The following GDAP1 variants were observed in gnomAD, a reference collection of about 807,000 sequenced individuals.
The protein encoded by GDAP1 is ganglioside-induced differentiation-associated protein 1.
GDAP1 carries 34 observed loss-of-function variants against 40.1 expected under a neutral mutation model. The observed-to-expected ratio is 0.85, with a 90% confidence interval of 0.64 to 1.13. The LOEUF (loss-of-function observed/expected upper bound fraction) is 1.13, where lower values mean the gene tolerates loss of function less well. Ranked by LOEUF, GDAP1 falls within the 50% of genes most tolerant of loss-of-function variation. The pLI, the probability that GDAP1 is intolerant of heterozygous loss-of-function variation, is 0.00. For missense variants in GDAP1, 374 were observed against 433.7 expected (o/e 0.86, Z 1.22); for synonymous variants, 170 against 157.4 (o/e 1.08, Z -0.60).
chr8:74,392,071 G>A (rs931214618), intron 2 of GDAP1, among the ~76,000 whole-genome samples: 4 of 151,990 alleles, frequency 2.6e-5, no homozygotes, highest in African/African-American at 7.3e-5. Flanking sequence ...TGCCTTCCTC[G>A]GCCTCCCAAA....
At chr8:74,450,242 T>G (rs1354146408) in intron 2 of GDAP1, among the ~76,000 whole-genome samples, 1 of 151,884 alleles carries the variant, frequency 6.6e-6, no homozygotes, top group Non-Finnish European at 1.5e-5. Flanking sequence ...TAAGATGTAT[T>G]ACATTTATTA....
chr8:74,361,705 C>G (rs943613548), intron 3 of GDAP1, among the ~76,000 whole-genome samples, 179 bp from the exon 4 acceptor site: 1 of 152,128 alleles, frequency 6.6e-6, no homozygotes, highest in African/African-American at 2.4e-5. Context: ...GGCAGATACT[C>G]TTATGGTTCC....
chr8:74,439,449 C>G (rs1003546045), intron 2 of GDAP1, among the ~76,000 whole-genome samples: 3 of 151,896 alleles, frequency 2.0e-5, no homozygotes, highest in Non-Finnish European at 4.4e-5. Context: ...GCTCTCTACT[C>G]TGTTCCATTA....
intron 2 of GDAP1, among the ~76,000 whole-genome samples, chr8:74,486,468 G>T (rs1423190321): frequency 6.6e-6 from 1 of 152,148 alleles, no homozygotes; most frequent in Non-Finnish European, 1.5e-5. Flanking sequence ...TCAGTGCTTT[G>T]CATAATGCAC....
intron 2 of GDAP1, among the ~76,000 whole-genome samples, chr8:74,355,409 T>C (rs1017434174): frequency 6.6e-6 from 1 of 152,242 alleles, no homozygotes; most frequent in Non-Finnish European, 1.5e-5. Flanking sequence ...TTGCTGATAA[T>C]TCCAAATCTG....
intron 2 of GDAP1, among the ~76,000 whole-genome samples, chr8:74,372,221 A>G (rs1255647190): frequency 1.3e-5 from 2 of 152,184 alleles, no homozygotes; most frequent in Non-Finnish European, 2.9e-5. Flanking sequence ...TAGTGCCGCA[A>G]TAAACATATG....
chr8:74,429,974 T>C lies in GDAP1; in HGVS notation c.166-58704T>C, dbSNP rs1235701107. Among the ~76,000 whole-genome samples, 6 of 152,256 alleles carry C rather than the reference T, an allele frequency of 3.9e-5. No individual in the cohort carries two copies. In the East Asian group the frequency reaches 9.6e-4, roughly 24 times the overall value. On this transcript the variant is annotated intron_variant, in intron 2 of 2. Coordinates refer to the GDAP1 transcript ENST00000523640. ...TCACGGACAGTGTTACCTGTTCTAA[T>C]ATACAGTGTCCCAAAACAGGGAAGA...
At chr8:74,387,592 A>T (rs1204104557) in intron 2 of GDAP1, among the ~76,000 whole-genome samples, 1 of 152,174 alleles carries the variant, frequency 6.6e-6, no homozygotes, top group Non-Finnish European at 1.5e-5. Context: ...CCAGTATTTT[A>T]TTGAGGATTT....
intron 2 of GDAP1, among the ~76,000 whole-genome samples, chr8:74,475,269 G>C (rs1806614552): frequency 6.6e-6 from 1 of 150,820 alleles, no homozygotes; most frequent in Admixed American, 6.6e-5. Context: ...GGATTTTTTT[G>C]TGTCTCAGTG....
intron 2 of GDAP1, among the ~76,000 whole-genome samples, chr8:74,378,835 A>G (rs1809902685): frequency 6.6e-6 from 1 of 152,198 alleles, no homozygotes; most frequent in Non-Finnish European, 1.5e-5. Context: ...ACAACCACAC[A>G]ACCCACTTCC....
At chr8:74,361,724 G>A (rs1809374185) in intron 3 of GDAP1, among the ~76,000 whole-genome samples, 160 bp from the exon 4 acceptor site, 1 of 152,202 alleles carries the variant, frequency 6.6e-6, no homozygotes, top group African/African-American at 2.4e-5. Context: ...CCATTTGAAA[G>A]GTGAGGAAAC....
chr8:74,435,290 T>C (rs1281060161), intron 2 of GDAP1, among the ~76,000 whole-genome samples: 2 of 152,192 alleles, frequency 1.3e-5, no homozygotes, highest in African/African-American at 2.4e-5. Flanking sequence ...ATTGTAAATA[T>C]GAATCCTGAT....
At position 74,402,346 on chromosome 8, in the gene GDAP1, G is replaced by T. The variant is rs1262674847; in HGVS notation, c.165+51025G>T. Among the ~76,000 whole-genome samples the T allele has an allele frequency of 1.3e-5, 2 of 150,374 alleles. 1 individual carries two copies. The highest frequency in any genetic ancestry group is 5.0e-5 in the African/African-American group (2 of 39,650). ...AATCAGCGAGACTCCGTGGGCGTAG[G>T]ACCCTCCGAGCCAGTTGCGGGATAT... On this transcript the variant is annotated intron_variant, in intron 2 of 2. Transcript: ENST00000523640.
intron 2 of GDAP1, among the ~76,000 whole-genome samples, chr8:74,475,916 A>G (rs1198536489): frequency 1.3e-5 from 2 of 152,130 alleles, no homozygotes; most frequent in African/African-American, 4.8e-5. Flanking sequence ...GTGGGAGTCT[A>G]AGTCTCTTTG....
intron 2 of GDAP1, among the ~76,000 whole-genome samples, chr8:74,387,181 T>G (rs949216941): frequency 6.6e-6 from 1 of 152,230 alleles, no homozygotes; most frequent in Non-Finnish European, 1.5e-5. Flanking sequence ...TTTCTTTCTC[T>G]TGCCTAATTG....
rs570786375 is a variant in GDAP1, at chr8:74,436,757, A to G, written c.166-51921A>G. Among the ~76,000 whole-genome samples, 10 of 152,106 alleles carry G rather than the reference A, an allele frequency of 6.6e-5. No individual in the cohort carries two copies. In the East Asian group the frequency reaches 1.9e-3, roughly 29 times the overall value. On this transcript the variant is annotated intron_variant, in intron 2 of 2. Transcript: ENST00000523640. ...CCTTTAATTCCAAGAGATACTCACA[A>G]TCCTTTCAATAATTGTCTTTTTCCC...
At chr8:74,398,523 A>G (rs922382112) in intron 2 of GDAP1, among the ~76,000 whole-genome samples, 4 of 152,194 alleles carry the variant, frequency 2.6e-5, no homozygotes, top group Admixed American at 1.3e-4. Flanking sequence ...CTCTTTTCCT[A>G]ATTGAATACC....
At chr8:74,428,164 A>G (rs1223854812) in intron 2 of GDAP1, among the ~76,000 whole-genome samples, 1 of 152,132 alleles carries the variant, frequency 6.6e-6, no homozygotes, top group South Asian at 2.1e-4. Flanking sequence ...AAGCCGACAT[A>G]GGAGGATTAC....
chr8:74,459,112 A>G (rs1443704118), intron 2 of GDAP1, among the ~76,000 whole-genome samples: 1 of 152,178 alleles, frequency 6.6e-6, no homozygotes, highest in Non-Finnish European at 1.5e-5. Context: ...AAATATTCAT[A>G]AAAATGGAGG....
Sources: gnomAD v4.1 joint callset for allele counts (sites outside exome capture counted in the v4.1 genomes callset) on GRCh38, gnomAD v4.1.1 for gene constraint, MANE v1.5 for transcripts, NCBI Gene and HGNC (gene_info 2026-07-23, HGNC 2026-07-21) for gene names.